Variants in UNC13C observed in about 807,000 individuals in gnomAD.
UNC13C encodes the protein protein unc-13 homolog C.
In UNC13C, 174 loss-of-function variants were observed where a neutral mutation model predicts 245.4. The observed-to-expected ratio is 0.71, with a 90% CI of 0.63 to 0.80. UNC13C has a LOEUF of 0.80. Ranked by LOEUF, UNC13C falls within the 30% of genes least tolerant of loss-of-function variation. The probability of loss-of-function intolerance (pLI) is 0.00; values close to 1 mark genes in which losing one functional copy is unlikely to be tolerated. For missense variants in UNC13C, 2,829 were observed against 2,602.9 expected, an observed-to-expected ratio of 1.09 and a Z score of -1.89; for synonymous variants, 992 against 895.1, an observed-to-expected ratio of 1.11 and a Z score of -1.93.
chr15:54,494,254 C>A (rs1596474260), intron 19 of UNC13C, among the ~76,000 whole-genome samples: 2 of 152,066 alleles, frequency 1.3e-5, no homozygotes, highest in East Asian at 3.9e-4. Context: ...AATTTTAATT[C>A]TCTCTGTCAC....
intron 30 of UNC13C, among the ~76,000 whole-genome samples, chr15:54,611,278 G>C (rs1900078245): frequency 6.6e-6 from 1 of 152,108 alleles, no homozygotes; most frequent in Non-Finnish European, 1.5e-5. Context: ...CTAAAGCTTA[G>C]GATTGAATTT....
intron 17 of UNC13C, among the ~76,000 whole-genome samples, chr15:54,353,619 G>C (rs1353861530): frequency 6.6e-6 from 1 of 152,146 alleles, no homozygotes; most frequent in Non-Finnish European, 1.5e-5. Flanking sequence ...TAAACCAATG[G>C]TCAATCATCT....
chr15:54,480,671 T>C (rs1284087238), intron 19 of UNC13C, among the ~76,000 whole-genome samples: 1 of 152,172 alleles, frequency 6.6e-6, no homozygotes, highest in Non-Finnish European at 1.5e-5. Flanking sequence ...GTTTCTTTAG[T>C]ATTACCATTT....
rs548252872 is a variant in UNC13C, at chr15:54,446,419, T to C, written c.4933+31352T>C. ...ATTTTCACGATATTGATTCTTCCTATCCATGAGCATGGAATGTTCTTCCAT... is the reference window on the plus strand; with the variant it reads ...ATTTTCACGATATTGATTCTTCCTACCCATGAGCATGGAATGTTCTTCCAT... On this transcript the variant is annotated intron_variant, in intron 19 of 32. Transcript: ENST00000260323. Among the ~76,000 whole-genome samples, 84 of 152,332 alleles carry C rather than the reference T, an allele frequency of 5.5e-4. 2 individuals are homozygous for C. In the South Asian group the frequency reaches 0.014, roughly 26 times the overall value.
chr15:54,618,896 T>G (rs1360168910), intron 30 of UNC13C, among the ~76,000 whole-genome samples: 2 of 152,194 alleles, frequency 1.3e-5, no homozygotes, highest in African/African-American at 4.8e-5. Context: ...CTGTGACTTT[T>G]AAAGACATTT....
chr15:54,150,850 C>A (rs1029188620), intron 4 of UNC13C, among the ~76,000 whole-genome samples: 1 of 152,128 alleles, frequency 6.6e-6, no homozygotes, highest in Non-Finnish European at 1.5e-5. Flanking sequence ...CCCAACCAGG[C>A]TTAGTTAAAC....
At chr15:54,431,549 A>G (rs1423838438) in intron 19 of UNC13C, among the ~76,000 whole-genome samples, 1 of 151,748 alleles carries the variant, frequency 6.6e-6, no homozygotes, top group Non-Finnish European at 1.5e-5. Context: ...CTATTCTTGC[A>G]AAATCCAATT....
At chr15:54,502,650 A>G (rs1894277561) in intron 22 of UNC13C, among the ~76,000 whole-genome samples, 1 of 152,142 alleles carries the variant, frequency 6.6e-6, no homozygotes, top group Non-Finnish European at 1.5e-5. Flanking sequence ...GTGTTTGACA[A>G]AGTATGTCAC....
At chr15:54,379,529 C>A (rs2039676058) in intron 17 of UNC13C, among the ~76,000 whole-genome samples, 1 of 151,926 alleles carries the variant, frequency 6.6e-6, no homozygotes, top group Non-Finnish European at 1.5e-5. Flanking sequence ...TTATAAGTTA[C>A]CTTTTACAGT....
rs117881510 is a variant in UNC13C, at chr15:54,045,994, A to G, written c.2983+30108A>G. ...AGATTCCAGATTCATTCGGTATTCA[A>G]TATTCTCATCCATTTCTATCATTTC... is the stretch of plus-strand genomic sequence containing the variant. On this transcript the variant is annotated intron_variant, in intron 2 of 32. Coordinates refer to ENST00000260323, the MANE Select transcript of UNC13C (RefSeq NM_001080534.3). Among the ~76,000 whole-genome samples the G allele has an allele frequency of 1.1e-3, 167 of 152,262 alleles. 1 individual carries two copies. The East Asian group carries it at 0.024, about 22-fold the overall frequency.
intron 2 of UNC13C, among the ~76,000 whole-genome samples, chr15:54,063,841 G>C (rs891531877): frequency 6.6e-6 from 1 of 152,114 alleles, no homozygotes; most frequent in Non-Finnish European, 1.5e-5. Flanking sequence ...GCCTTAGAGA[G>C]TCTGTCATTG....
chr15:54,264,115 A>G (rs2036493984), intron 8 of UNC13C, 53 bp from the exon 9 acceptor site: 1 of 1,522,722 alleles, frequency 6.6e-7, no homozygotes, highest in Non-Finnish European at 8.9e-7. Flanking sequence ...TCCTTTAGCC[A>G]TCAAAAAGTA....
At chr15:54,127,756 ATT>A (rs1416480033) in intron 2 of UNC13C, among the ~76,000 whole-genome samples, 2 of 55,734 alleles carry the variant, frequency 3.6e-5, no homozygotes, top group Non-Finnish European at 7.3e-5. Flanking sequence ...TTTCATATAT[ATT>A]TATGTATAAT....
chr15:54,241,820 G>A (rs1489357842), intron 7 of UNC13C, among the ~76,000 whole-genome samples: 2 of 152,130 alleles, frequency 1.3e-5, no homozygotes, highest in African/African-American at 4.8e-5. Flanking sequence ...ATGCCTCCCT[G>A]CCCTCTTTGC....
intron 18 of UNC13C, among the ~76,000 whole-genome samples, chr15:54,402,700 C>A (rs2040211728): frequency 6.6e-6 from 1 of 152,018 alleles, no homozygotes; most frequent in African/African-American, 2.4e-5. Flanking sequence ...GATGATGAAA[C>A]TTAAGCATAG....
intron 4 of UNC13C, among the ~76,000 whole-genome samples, chr15:54,184,698 T>C (rs2033915252): frequency 6.6e-6 from 1 of 152,214 alleles, no homozygotes; most frequent in South Asian, 2.1e-4. Context: ...TCCAAGTCTT[T>C]GCTATTGTGA....
chr15:54,457,742 G>A (rs1891608612), intron 19 of UNC13C, among the ~76,000 whole-genome samples: 1 of 151,670 alleles, frequency 6.6e-6, no homozygotes, highest in Non-Finnish European at 1.5e-5. Context: ...GTTTCTAATT[G>A]AGCTTATTTG....
At chr15:54,117,561 C>CTT (rs1209756155) in intron 2 of UNC13C, among the ~76,000 whole-genome samples, 1 of 147,092 alleles carries the variant, frequency 6.8e-6, no homozygotes, top group Non-Finnish European at 1.5e-5. Context: ...CTCTCTCTCT[C>CTT]TCTCTCATTT....
At position 54,438,843 on chromosome 15, in the gene UNC13C, G is replaced by A. The variant is rs531322071; in HGVS notation, c.4933+23776G>A. On this transcript the variant is annotated intron_variant, in intron 19 of 32. Transcript: ENST00000260323. Reference sequence around the variant, plus strand: ...CTGACCTCAATAACCCTTCAAGATCGCTAAGTAACATTAAGTTCTTCCCTC... The same window carrying A: ...CTGACCTCAATAACCCTTCAAGATCACTAAGTAACATTAAGTTCTTCCCTC... Among the ~76,000 whole-genome samples, 11 of 151,866 alleles carry A rather than the reference G, an allele frequency of 7.2e-5. No homozygotes were observed. In the East Asian group the frequency reaches 1.9e-3, roughly 27 times the overall value.
Sources: gnomAD v4.1 joint callset for allele counts (sites outside exome capture counted in the v4.1 genomes callset) on GRCh38, gnomAD v4.1.1 for gene constraint, MANE v1.5 for transcripts, NCBI Gene and HGNC (gene_info 2026-07-23, HGNC 2026-07-21) for gene names.